The following SPI1 variants were observed in gnomAD, a reference collection of about 807,000 sequenced individuals.
The protein encoded by SPI1 is Spi-1 proto-oncogene.
SPI1 carries 3 observed loss-of-function variants against 30.7 expected under a neutral mutation model. That is an observed-to-expected ratio of 0.10 (90% CI 0.04 to 0.25). SPI1 has a LOEUF of 0.25. Among genes scored for constraint, SPI1 ranks in the 10% least tolerant of loss-of-function variants. The pLI, the probability that SPI1 is intolerant of heterozygous loss-of-function variation, is 1.00. For missense variants in SPI1, 261 were observed against 371.5 expected (o/e 0.70, Z 2.45); for synonymous variants, 169 against 157.1 (o/e 1.08, Z -0.56).
Position 47,360,059 on chromosome 11 carries a change from C to G in SPI1, c.143-19G>C, listed in dbSNP as rs201951592. ...TAATGGTCTGTGGGGGACAGCCAGG[C>G]AGTATGGGGTGAGCTCAGGGTTGGG... On this transcript the variant is annotated intron_variant, in intron 2 of 4. Coordinates refer to ENST00000378538, the MANE Select transcript of SPI1 (RefSeq NM_003120.3). 3.5e-5 allele frequency: 53 copies of G among 1,528,294 alleles called. No homozygotes were observed. In the African/African-American group the frequency reaches 6.4e-4, roughly 18 times the overall value. 94.7% of individuals were successfully genotyped at this position (1,528,294 alleles called of 1,614,324 possible). A position where few individuals can be genotyped will look rare whatever the true frequency, so the allele number is the denominator to read the frequency against.
intron 2 of SPI1, among the ~76,000 whole-genome samples, chr11:47,362,487 G>A (rs777151835): frequency 2.6e-5 from 4 of 151,316 alleles, no homozygotes; most frequent in South Asian, 2.1e-4. Flanking sequence ...CGAAAAGATC[G>A]TTTGAACCCA....
At chr11:47,364,977 T>G (rs1187436712) in intron 2 of SPI1, among the ~76,000 whole-genome samples, 1 of 152,152 alleles carries the variant, frequency 6.6e-6, no homozygotes, top group Non-Finnish European at 1.5e-5. Flanking sequence ...CAATTAAGGT[T>G]TCAGAAGGCC....
intron 4 of SPI1, chr11:47,358,095 A>C (rs11039200): frequency 0.27 from 50,040 of 184,624 alleles, 7,683 homozygotes; most frequent in Middle Eastern, 0.37. Flanking sequence ...ACATGCTCAC[A>C]CACCCCAGCT....
rs145122205 is a variant in SPI1, at chr11:47,358,917, G to A, written c.420C>T (p.Ser140=). 9.0e-5 allele frequency: 141 copies of A among 1,560,982 alleles called. No individual in the cohort carries two copies. The African/African-American group carries it at 1.7e-3, about 18-fold the overall frequency. ...SSDEEEGERQ[S]PPLEVSDGEA... ...CGCCGTCAGACACCTCCAGTGGGGG[G>A]CTCTGCCGCTCGCCCTCCTCCTCAT... The change falls in exon 4 of 5, where the codon AGC becomes AGT. Residue 140 remains serine, a synonymous_variant. Transcript: ENST00000378538.
chr11:47,364,693 G>C (rs1178713610), intron 2 of SPI1, among the ~76,000 whole-genome samples: 1 of 152,130 alleles, frequency 6.6e-6, no homozygotes, highest in Non-Finnish European at 1.5e-5. Flanking sequence ...CCCCACCTCT[G>C]TTCTAGCTCC....
intron 2 of SPI1, among the ~76,000 whole-genome samples, chr11:47,373,599 G>GATTGGGCC (rs1367344412): frequency 6.6e-6 from 1 of 151,302 alleles, no homozygotes; most frequent in Non-Finnish European, 1.5e-5. Context: ...AGTGAGCCAA[G>GATTGGGCC]ATTGGGCCAC....
At position 47,356,059 on chromosome 11, in the gene SPI1, A is replaced by T. The variant is rs535218599; in HGVS notation, c.494-513T>A. ...GCACACACAATGCACGTGCTCACAG[A>T]CTCACACCCACATGCTCACACACAT... On this transcript the variant is annotated intron_variant, in intron 4 of 4. Transcript: ENST00000378538. Among the ~76,000 whole-genome samples the T allele has an allele frequency of 2.0e-5, 3 of 150,162 alleles. No individual in the cohort carries two copies. In the East Asian group the frequency reaches 6.0e-4, roughly 30 times the overall value.
intron 2 of SPI1, among the ~76,000 whole-genome samples, chr11:47,364,445 G>A (rs1341413364): frequency 6.6e-6 from 1 of 152,120 alleles, no homozygotes; most frequent in Non-Finnish European, 1.5e-5. Flanking sequence ...GGGGCTCTGG[G>A]ATTTGGTGAA....
intron 2 of SPI1, among the ~76,000 whole-genome samples, chr11:47,364,529 C>G (rs1420324898): frequency 6.6e-6 from 1 of 152,082 alleles, no homozygotes; most frequent in Non-Finnish European, 1.5e-5. Flanking sequence ...TTCTCCTGCC[C>G]AAGTTGGAGT....
At chr11:47,356,158 TCACA>T (rs748911163) in intron 4 of SPI1, among the ~76,000 whole-genome samples, 16 of 149,014 alleles carry the variant, frequency 1.1e-4, no homozygotes, top group Non-Finnish European at 1.9e-4. Flanking sequence ...ACATCTGCCC[TCACA>T]CACTGTCACT....
intron 2 of SPI1, among the ~76,000 whole-genome samples, chr11:47,362,943 C>T (rs1417468087): frequency 6.7e-6 from 1 of 148,482 alleles, no homozygotes. Context: ...TTTTTTTTAA[C>T]TAAAAAAAAA....
rs1348774471 is a variant in SPI1, at chr11:47,374,843, A to C, written c.142+790T>G. ...GCTGGGCTATGGGGCAGACAGTCAG[A>C]CCCAGAAGGACTGGACAGACAGAAG... On this transcript the variant is annotated intron_variant, in intron 2 of 4. Coordinates refer to ENST00000378538, the MANE Select transcript of SPI1 (RefSeq NM_003120.3). The surrounding 1 kb of genome is among the most constrained non-coding windows in gnomAD (Gnocchi z 4.5). 6.6e-6 allele frequency among the ~76,000 whole-genome samples: 1 copy of C among 152,216 alleles called. No homozygotes were observed. Among genetic ancestry groups the C allele is most frequent in the Non-Finnish European group, 1.5e-5 (1 of 68,044 alleles).
chr11:47,364,681 A>G (rs763632835), intron 2 of SPI1, among the ~76,000 whole-genome samples: 2 of 151,046 alleles, frequency 1.3e-5, no homozygotes, highest in Non-Finnish European at 2.9e-5. Context: ...TTTCCTCCGC[A>G]CCCCCACCTC....
At chr11:47,355,959 CCACT>C (rs146503233) in intron 4 of SPI1, among the ~76,000 whole-genome samples, 33,809 of 126,726 alleles carry the variant, frequency 0.27, 4,320 homozygotes, top group African/African-American at 0.38. Context: ...CACAATGCAA[CCACT>C]CACTCATGCT....
chr11:47,377,992 G>A (rs910237301), intron 1 of SPI1, among the ~76,000 whole-genome samples: 13 of 151,792 alleles, frequency 8.6e-5, no homozygotes, highest in Non-Finnish European at 1.8e-4. Flanking sequence ...CTCTACCACC[G>A]CCTTCACCAT....
chr11:47,376,339 C>CACTCG (rs1476727046), intron 1 of SPI1, among the ~76,000 whole-genome samples: 1 of 152,078 alleles, frequency 6.6e-6, no homozygotes, highest in Non-Finnish European at 1.5e-5. Context: ...TCCACCTGCA[C>CACTCG]ACTCAACCGC....
intron 4 of SPI1, among the ~76,000 whole-genome samples, chr11:47,356,797 T>A (rs2095910573): frequency 6.8e-6 from 1 of 146,586 alleles, no homozygotes; most frequent in Non-Finnish European, 1.5e-5. Context: ...CACACACACT[T>A]GCACGCACAC....
chr11:47,373,413 C>T (rs1490557678), intron 2 of SPI1, among the ~76,000 whole-genome samples: 2 of 151,454 alleles, frequency 1.3e-5, no homozygotes, highest in African/African-American at 4.9e-5. Flanking sequence ...TTTGGGAGGC[C>T]GAGGCAAGTG....
intron 4 of SPI1, among the ~76,000 whole-genome samples, chr11:47,357,303 C>T (rs2095912598): frequency 6.6e-6 from 1 of 151,568 alleles, no homozygotes; most frequent in Non-Finnish European, 1.5e-5. Context: ...CACTCACACG[C>T]TCACACCAGC....
Sources: gnomAD v4.1 joint callset for allele counts (sites outside exome capture counted in the v4.1 genomes callset) on GRCh38, gnomAD v4.1.1 for gene constraint, Gnocchi (gnomAD v3.1) non-coding constraint, MANE v1.5 for transcripts, NCBI Gene and HGNC (gene_info 2026-07-23, HGNC 2026-07-21) for gene names.